Variants in GSE1 observed in about 807,000 individuals in gnomAD.
GSE1 encodes genetic suppressor element 1.
GSE1 carries 32 observed loss-of-function variants against 112.6 expected under a neutral mutation model. The observed-to-expected ratio is 0.28, with a 90% CI of 0.21 to 0.38. GSE1 has a LOEUF of 0.38. GSE1 is among the 10% of genes least tolerant of loss of function. The pLI is 1.00. For synonymous variants in GSE1, 1,115 were observed against 735.6 expected, an observed-to-expected ratio of 1.52 and a Z score of -8.35; for missense variants, 2,348 against 1,699.2, an observed-to-expected ratio of 1.38 and a Z score of -6.71.
chr16:85,330,975 G>C (rs567051721), intron 1 of GSE1, among the ~76,000 whole-genome samples: 2 of 152,228 alleles, frequency 1.3e-5, no homozygotes, highest in South Asian at 2.1e-4. Flanking sequence ...CTTTGGGGTA[G>C]GATTTAATGC....
At chr16:85,583,658 C>T (rs1482427604) in intron 1 of GSE1, 2 of 152,192 alleles carry the variant, frequency 1.3e-5, no homozygotes, top group African/African-American at 2.4e-5. Flanking sequence ...TCCTGCAGCA[C>T]CCCCATATTC....
Position 85,670,978 on chromosome 16 carries a change from A to T in GSE1, c.3416-17A>T. 6.6e-7 allele frequency: 1 copy of T among 1,515,928 alleles called. No individual in the cohort carries two copies. The highest frequency in any genetic ancestry group is 9.2e-7 in the Non-Finnish European group (1 of 1,091,212). The allele number at this position is 1,515,928 out of a possible 1,614,324, so 93.9% of individuals were successfully genotyped here. On this transcript the variant is annotated splice_polypyrimidine_tract_variant and intron_variant, in intron 14 of 15. Transcript: ENST00000253458. Reference sequence around the variant, plus strand: ...TCCTGCATACGGAAAATACATCACCATCTCCTGTCTTTTCAGAGCAAAATC... The same window carrying T: ...TCCTGCATACGGAAAATACATCACCTTCTCCTGTCTTTTCAGAGCAAAATC...
intron 3 of GSE1, among the ~76,000 whole-genome samples, chr16:85,653,436 G>A (rs543075385): frequency 1.9e-4 from 28 of 149,664 alleles, no homozygotes; most frequent in East Asian, 4.0e-4. Flanking sequence ...GGGGTGGCAC[G>A]GCCTATCCTT....
chr16:85,565,662 G>A (rs2045716909), intron 1 of GSE1, among the ~76,000 whole-genome samples: 1 of 152,186 alleles, frequency 6.6e-6, no homozygotes, highest in South Asian at 2.1e-4. Flanking sequence ...GAGCCCTCCT[G>A]GGGATGCCAG....
intron 1 of GSE1, among the ~76,000 whole-genome samples, chr16:85,325,458 T>C (rs538553299): frequency 1.4e-5 from 2 of 143,976 alleles, no homozygotes; most frequent in African/African-American, 2.8e-5. Flanking sequence ...AAAAAAAAAA[T>C]TTTTTTTTTT....
At chr16:85,665,511 G>A (rs372750764) in intron 12 of GSE1, among the ~76,000 whole-genome samples, 9 of 152,210 alleles carry the variant, frequency 5.9e-5, no homozygotes, top group Non-Finnish European at 1.0e-4. Context: ...TAGCCTAGCC[G>A]CCCTGGCTCT....
intron 2 of GSE1, among the ~76,000 whole-genome samples, chr16:85,513,524 T>TC (rs1439996289): frequency 6.6e-6 from 1 of 152,002 alleles, no homozygotes; most frequent in South Asian, 2.1e-4. Context: ...TCTCTTCTCT[T>TC]CCCCCTCTGC....
chr16:85,446,951 A>T (rs2049532075), intron 2 of GSE1, among the ~76,000 whole-genome samples: 1 of 151,838 alleles, frequency 6.6e-6, no homozygotes, highest in African/African-American at 2.4e-5. Flanking sequence ...CTGCACCCCC[A>T]TGCCCTTCAG....
chr16:85,239,305 G>C (rs568419126), intron 1 of GSE1, among the ~76,000 whole-genome samples: 17 of 152,330 alleles, frequency 1.1e-4, no homozygotes, highest in Admixed American at 1.0e-3. Flanking sequence ...GGCATTTAAA[G>C]ACCCTCCTAG....
At chr16:85,266,964 C>A (rs1447801856) in intron 1 of GSE1, among the ~76,000 whole-genome samples, 1 of 152,208 alleles carries the variant, frequency 6.6e-6, no homozygotes. Context: ...CAGGAGGGAG[C>A]CTGCAGGGGG....
At chr16:85,481,991 C>G (rs1016362824) in intron 2 of GSE1, among the ~76,000 whole-genome samples, 2 of 152,264 alleles carry the variant, frequency 1.3e-5, no homozygotes. Context: ...ATGCCCTCGC[C>G]GGGACTACGC....
Position 85,648,659 on chromosome 16 carries a change from C to A in GSE1, c.334C>A (p.Pro112Thr). The change falls in exon 3 of 16, where the codon CCT becomes ACT. Residue 112 changes from proline (P) to threonine (T), a missense_variant. Physicochemically the swap from Pro to Thr is conservative, Grantham distance 38. Transcript: ENST00000253458. ...RVPMGPIIVP[P>T]GGHSVPSTPP... ...GCCCATGGGCCCTATCATCGTCCCC[C>A]CTGGGGGCCACAGCGTGCCCAGCAC... 1 of 1,602,954 alleles carries A rather than the reference C, an allele frequency of 6.2e-7. No individual in the cohort carries two copies. Among genetic ancestry groups the A allele is most frequent in the Non-Finnish European group, 8.5e-7 (1 of 1,172,182 alleles).
intron 1 of GSE1, among the ~76,000 whole-genome samples, chr16:85,293,089 C>G (rs975688239): frequency 6.6e-6 from 1 of 152,152 alleles, no homozygotes; most frequent in Non-Finnish European, 1.5e-5. Context: ...CAGTGTTCCA[C>G]CGATCCCCCA....
chr16:85,655,845 A>T lies in GSE1; in HGVS notation c.917A>T (p.Tyr306Phe). 1 of 1,608,242 alleles carries T rather than the reference A, an allele frequency of 6.2e-7. No homozygotes were observed. Among genetic ancestry groups the T allele is most frequent in the Non-Finnish European group, 8.5e-7 (1 of 1,179,338 alleles). The stretch of plus-strand genomic sequence containing the variant: ...CACCTGCACCTCTCTGGGGTCCGCT[A>T]CCCTCCCGAGCTCTCCCACTCATCC... ...AMHLHLSGVR[Y>F]PPELSHSSLA... is the part of the protein sequence containing the mutation. The change falls in exon 6 of 16, where the codon TAC becomes TTC. Residue 306 changes from tyrosine to phenylalanine, a missense_variant. Coordinates refer to ENST00000253458, the MANE Select transcript of GSE1 (RefSeq NM_014615.5).
intron 1 of GSE1, among the ~76,000 whole-genome samples, chr16:85,589,736 T>C (rs1203143925): frequency 1.3e-5 from 2 of 152,054 alleles, no homozygotes; most frequent in Non-Finnish European, 2.9e-5. Context: ...ACTGTGTGAA[T>C]GTGGATGACT....
intron 2 of GSE1, 33 bp downstream of exon 2, chr16:85,634,165 A>T: frequency 7.3e-7 from 1 of 1,365,412 alleles, no homozygotes; most frequent in Non-Finnish European, 9.5e-7. Flanking sequence ...GCGTGGGGGG[A>T]GCGGCGGCTC....
intron 2 of GSE1, among the ~76,000 whole-genome samples, chr16:85,474,183 G>A (rs1003269632): frequency 6.6e-6 from 1 of 152,112 alleles, no homozygotes; most frequent in Non-Finnish European, 1.5e-5. Flanking sequence ...TGCTGGGCCA[G>A]GCCAGGCCAG....
intron 2 of GSE1, among the ~76,000 whole-genome samples, chr16:85,640,922 C>T (rs1209126731): frequency 1.3e-5 from 2 of 152,350 alleles, no homozygotes; most frequent in African/African-American, 4.8e-5. Flanking sequence ...GGCTGGTGGT[C>T]AGGGGAAGCC....
intron 1 of GSE1, among the ~76,000 whole-genome samples, chr16:85,210,326 G>A (rs1008011174): frequency 2.0e-5 from 3 of 152,212 alleles, no homozygotes; most frequent in African/African-American, 7.2e-5. Flanking sequence ...CCACAGTAAG[G>A]TGTGATTGAC....
Sources: allele counts gnomAD v4.1 joint callset (sites outside exome capture counted in the v4.1 genomes callset), GRCh38; gene constraint gnomAD v4.1.1; transcripts MANE v1.5; gene names NCBI Gene and HGNC (gene_info 2026-07-23, HGNC 2026-07-21).